LRRC4C: variants seen among roughly 807,000 people sequenced by gnomAD.
LRRC4C encodes the protein leucine-rich repeat-containing protein 4C.
A neutral mutation model predicts 33.6 loss-of-function variants in LRRC4C; 5 were observed. The ratio of observed to expected loss-of-function variants is 0.15; its 90% CI spans 0.08 to 0.31. LRRC4C has a LOEUF of 0.31. LRRC4C is among the 10% of genes least tolerant of loss of function. The probability of loss-of-function intolerance (pLI) is 1.00; values close to 1 mark genes in which losing one functional copy is unlikely to be tolerated. For synonymous variants in LRRC4C, 329 were observed against 302.0 expected (o/e 1.09, Z -0.93); for missense variants, 560 against 796.7 (o/e 0.70, Z 3.58).
At chr11:41,152,061 T>G (rs933796204) in intron 1 of LRRC4C, among the ~76,000 whole-genome samples, 22 of 152,184 alleles carry the variant, frequency 1.4e-4, no homozygotes, top group African/African-American at 5.3e-4. Flanking sequence ...ACGAACTCCC[T>G]TGTTCTCTGT....
chr11:40,947,895 A>G (rs557029820), intron 1 of LRRC4C, among the ~76,000 whole-genome samples: 10 of 152,220 alleles, frequency 6.6e-5, no homozygotes, highest in African/African-American at 2.4e-4. Context: ...GTTTCCCTCC[A>G]TAATTGTCTC....
chr11:41,196,314 C>T (rs1356048629), intron 1 of LRRC4C, among the ~76,000 whole-genome samples: 1 of 152,024 alleles, frequency 6.6e-6, no homozygotes, highest in Non-Finnish European at 1.5e-5. Flanking sequence ...GCAGTTGTTA[C>T]TAATCAACTA....
intron 2 of LRRC4C, among the ~76,000 whole-genome samples, chr11:40,737,821 A>T (rs191104033): frequency 1.4e-4 from 21 of 152,270 alleles, no homozygotes; most frequent in African/African-American, 3.6e-4. Flanking sequence ...ATTTAATGCT[A>T]TCTCCATCAA....
chr11:40,968,084 AG>A (rs138886483), intron 1 of LRRC4C, among the ~76,000 whole-genome samples: 13 of 152,230 alleles, frequency 8.5e-5, no homozygotes, highest in African/African-American at 2.9e-4. Context: ...GGAAATTAAA[AG>A]TGCCACTTCA....
At chr11:40,776,428 G>A (rs890268417) in intron 2 of LRRC4C, among the ~76,000 whole-genome samples, 1 of 151,856 alleles carries the variant, frequency 6.6e-6, no homozygotes, top group African/African-American at 2.4e-5. Context: ...GGTGTGTTCA[G>A]GGTTTCAATT....
chr11:41,252,254 C>T (rs1022105064), intron 1 of LRRC4C, among the ~76,000 whole-genome samples: 1 of 152,060 alleles, frequency 6.6e-6, no homozygotes, highest in Non-Finnish European at 1.5e-5. Flanking sequence ...CAATACGTTT[C>T]CTAATTGGTA....
At chr11:40,517,197 A>C (rs1232624591) in intron 3 of LRRC4C, among the ~76,000 whole-genome samples, 1 of 152,190 alleles carries the variant, frequency 6.6e-6, no homozygotes, top group African/African-American at 2.4e-5. Flanking sequence ...CAGAAAATAC[A>C]ATATGCTAAT....
At chr11:40,228,817 T>G (rs1330498023) in intron 5 of LRRC4C, among the ~76,000 whole-genome samples, 1 of 152,352 alleles carries the variant, frequency 6.6e-6, no homozygotes, top group East Asian at 1.9e-4. Flanking sequence ...TAAGTTCCAC[T>G]GACAGTGTTT....
At chr11:40,590,763 G>T (rs921250142) in intron 3 of LRRC4C, among the ~76,000 whole-genome samples, 1 of 26,426 alleles carries the variant, frequency 3.8e-5, no homozygotes, top group African/African-American at 1.7e-4. Context: ...TGCCCCTGCT[G>T]GGGGGTGCCT....
chr11:41,036,231 T>G (rs187439540), intron 1 of LRRC4C, among the ~76,000 whole-genome samples: 103 of 152,290 alleles, frequency 6.8e-4, no homozygotes, highest in African/African-American at 2.4e-3. Context: ...ATTCTTAAAT[T>G]CATTCTGGGT....
chr11:40,122,873 AAT>A (rs563251675), intron 6 of LRRC4C, among the ~76,000 whole-genome samples: 1 of 148,994 alleles, frequency 6.7e-6, no homozygotes, highest in Non-Finnish European at 1.5e-5. Flanking sequence ...AAACAAAACA[AAT>A]ATATATATAT....
chr11:40,913,283 C>A (rs1364068891), intron 2 of LRRC4C, among the ~76,000 whole-genome samples: 4 of 152,078 alleles, frequency 2.6e-5, no homozygotes, highest in Admixed American at 1.3e-4. Flanking sequence ...CCAAAATTGA[C>A]CAAATACTTG....
intron 1 of LRRC4C, among the ~76,000 whole-genome samples, chr11:41,161,480 G>A (rs941192561): frequency 6.6e-6 from 1 of 152,038 alleles, no homozygotes; most frequent in African/African-American, 2.4e-5. Context: ...GTCTGGTCTT[G>A]GGGGCACACT....
intron 1 of LRRC4C, among the ~76,000 whole-genome samples, chr11:41,011,585 T>C (rs1430598069): frequency 6.6e-6 from 1 of 151,920 alleles, no homozygotes; most frequent in Non-Finnish European, 1.5e-5. Context: ...ACAAAGGGTG[T>C]ATGGTTATTA....
rs200679314 is a variant in LRRC4C, at chr11:40,284,795, TA to T, written c.-176+34832del. Among the ~76,000 whole-genome samples, 109 of 152,060 alleles carry T rather than the reference TA, an allele frequency of 7.2e-4. 1 individual carries two copies. The highest frequency in any genetic ancestry group is 1.8e-3 in the African/African-American group (75 of 41,494). The stretch of plus-strand genomic sequence containing the variant: ...TTTTTCTAAGTGAGGATTAAGGAGT[TA>T]AAAAAAATATGTTATGTTTTCAGCA... On this transcript the variant is annotated intron_variant, in intron 4 of 6. Transcript: ENST00000528697.
At chr11:41,273,996 G>T (rs1279935332) in intron 1 of LRRC4C, among the ~76,000 whole-genome samples, 1 of 152,124 alleles carries the variant, frequency 6.6e-6, no homozygotes, top group Non-Finnish European at 1.5e-5. Flanking sequence ...ATCTGGAAAA[G>T]TGAGGAAGCA....
chr11:41,267,027 T>C (rs753325828), intron 1 of LRRC4C, among the ~76,000 whole-genome samples: 54 of 152,264 alleles, frequency 3.5e-4, no homozygotes, highest in Non-Finnish European at 6.6e-4. Flanking sequence ...CCACTCATCA[T>C]GGACTGGGCT....
At chr11:41,446,012 G>A (rs1955814329) in intron 1 of LRRC4C, among the ~76,000 whole-genome samples, 1 of 151,934 alleles carries the variant, frequency 6.6e-6, no homozygotes, top group African/African-American at 2.4e-5. Flanking sequence ...CACATAGTAG[G>A]TTCTACACAT....
chr11:41,320,703 CTCTT>C (rs902562210), intron 1 of LRRC4C, among the ~76,000 whole-genome samples: 3 of 152,160 alleles, frequency 2.0e-5, no homozygotes, highest in African/African-American at 7.2e-5. Context: ...TTACCCCTTG[CTCTT>C]TTTTTCCATG....
Sources: gnomAD v4.1 joint callset for allele counts (sites outside exome capture counted in the v4.1 genomes callset) on GRCh38, gnomAD v4.1.1 for gene constraint, MANE v1.5 for transcripts, NCBI Gene and HGNC (gene_info 2026-07-23, HGNC 2026-07-21) for gene names.